Variants in DLG2 observed in about 807,000 individuals in gnomAD.
DLG2 encodes disks large homolog 2.
In DLG2, 45 loss-of-function variants were observed where a neutral mutation model predicts 132.5. The observed-to-expected ratio is 0.34, with a 90% confidence interval of 0.27 to 0.44. The LOEUF is 0.44. Among genes scored for constraint, DLG2 ranks in the 20% least tolerant of loss-of-function variants. The pLI, the probability that DLG2 is intolerant of heterozygous loss-of-function variation, is 1.00. For missense variants in DLG2, 1,045 were observed against 1,196.9 expected, an observed-to-expected ratio of 0.87 and a Z score of 1.87; for synonymous variants, 424 against 419.6, an observed-to-expected ratio of 1.01 and a Z score of -0.13.
chr11:85,064,923 C>T (rs1243291054), intron 6 of DLG2, among the ~76,000 whole-genome samples: 1 of 151,510 alleles, frequency 6.6e-6, no homozygotes, highest in African/African-American at 2.4e-5. Context: ...CTTCCCCACC[C>T]CACGTTTGAC....
At chr11:84,226,077 T>A (rs2096988952) in intron 8 of DLG2, among the ~76,000 whole-genome samples, 1 of 152,204 alleles carries the variant, frequency 6.6e-6, no homozygotes, top group African/African-American at 2.4e-5. Context: ...TCCCAAAGCG[T>A]TGGGATTACA....
intron 18 of DLG2, among the ~76,000 whole-genome samples, chr11:83,656,025 A>C (rs2072308985): frequency 6.6e-6 from 1 of 152,188 alleles, no homozygotes; most frequent in Non-Finnish European, 1.5e-5. Context: ...CCACAAAGGC[A>C]CCCTGGTCAG....
chr11:84,895,494 A>G (rs2090066050), intron 6 of DLG2, among the ~76,000 whole-genome samples: 1 of 152,208 alleles, frequency 6.6e-6, no homozygotes, highest in African/African-American at 2.4e-5. Context: ...ATGGCAGAAC[A>G]CTACTGTAGA....
chr11:85,238,067 T>C (rs1352041894), intron 4 of DLG2, among the ~76,000 whole-genome samples: 10 of 151,994 alleles, frequency 6.6e-5, no homozygotes, highest in Non-Finnish European at 8.8e-5. Flanking sequence ...GGCAGGTTTG[T>C]CCGCATTAAA....
chr11:84,213,680 G>A (rs1230867126), intron 8 of DLG2, among the ~76,000 whole-genome samples: 4 of 152,020 alleles, frequency 2.6e-5, no homozygotes, highest in Admixed American at 6.5e-5. Context: ...TTAGACTGGC[G>A]TGGTGGCGGG....
intron 17 of DLG2, 21 bp from the exon 18 acceptor site, chr11:83,786,813 G>T (rs776546245): frequency 2.2e-5 from 35 of 1,608,658 alleles, no homozygotes; most frequent in Non-Finnish European, 2.7e-5. Context: ...GGAAGCCAGA[G>T]AATCTTGGTA....
chr11:85,158,078 C>A (rs1331025955), intron 4 of DLG2, among the ~76,000 whole-genome samples: 1 of 152,134 alleles, frequency 6.6e-6, no homozygotes, highest in African/African-American at 2.4e-5. Context: ...AGGCTGACCT[C>A]TCAGTGGGCC....
intron 8 of DLG2, among the ~76,000 whole-genome samples, chr11:84,226,916 T>C (rs1342858472): frequency 6.6e-6 from 1 of 151,814 alleles, no homozygotes; most frequent in Non-Finnish European, 1.5e-5. Context: ...TGAAACCCCG[T>C]CTCTACTGAA....
intron 6 of DLG2, among the ~76,000 whole-genome samples, chr11:85,085,184 C>T (rs2067757228): frequency 1.3e-5 from 2 of 152,272 alleles, no homozygotes; most frequent in Admixed American, 6.5e-5. Context: ...GTAGCATTTG[C>T]AGTCTTACTC....
At chr11:83,691,228 ACC>A (rs1035341152) in intron 18 of DLG2, among the ~76,000 whole-genome samples, 5 of 152,114 alleles carry the variant, frequency 3.3e-5, no homozygotes, top group African/African-American at 1.2e-4. Context: ...ACTTGATCTC[ACC>A]TAGAGTTCAG....
At chr11:83,741,222 C>A (rs145440350) in intron 18 of DLG2, among the ~76,000 whole-genome samples, 2 of 152,160 alleles carry the variant, frequency 1.3e-5, no homozygotes, top group Non-Finnish European at 2.9e-5. Flanking sequence ...AATCTTGGAC[C>A]ATTCCACTTT....
intron 6 of DLG2, among the ~76,000 whole-genome samples, chr11:84,898,322 C>G (rs566441059): frequency 6.6e-6 from 1 of 151,788 alleles, no homozygotes; most frequent in Non-Finnish European, 1.5e-5. Context: ...TGGTTTCTTT[C>G]CTTGTTCTAA....
At chr11:84,171,980 G>A (rs755868017) in intron 8 of DLG2, among the ~76,000 whole-genome samples, 1 of 151,932 alleles carries the variant, frequency 6.6e-6, no homozygotes, top group African/African-American at 2.4e-5. Context: ...AAGTTACAGC[G>A]CATTATCACA....
intron 8 of DLG2, among the ~76,000 whole-genome samples, chr11:84,213,744 G>A (rs542126166): frequency 6.0e-5 from 9 of 149,720 alleles, no homozygotes; most frequent in Middle Eastern, 3.4e-3. Flanking sequence ...GCGTGAACCC[G>A]AGAGGCGGAG....
rs570718594 is a variant in DLG2, at chr11:84,954,445, G to T, written c.357+157216C>A. Among the ~76,000 whole-genome samples, 5 of 152,056 alleles carry T rather than the reference G, an allele frequency of 3.3e-5. No homozygotes were observed. In the South Asian group the frequency reaches 6.2e-4, roughly 19 times the overall value. On this transcript the variant is annotated intron_variant, in intron 6 of 27. Transcript: ENST00000376104. ...TCCAGCCACAGCTAATAATATAATG[G>T]ATCACGTTCCTTTTATTCATTCAGT...
chr11:84,565,863 A>G (rs767587855), intron 6 of DLG2, among the ~76,000 whole-genome samples: 2 of 152,106 alleles, frequency 1.3e-5, no homozygotes, highest in Non-Finnish European at 2.9e-5. Context: ...CACTAGAATG[A>G]TCATCAAATG....
intron 11 of DLG2, among the ~76,000 whole-genome samples, chr11:84,046,630 T>C (rs2096248620): frequency 6.6e-6 from 1 of 151,592 alleles, no homozygotes; most frequent in South Asian, 2.1e-4. Context: ...TTACTCTTCT[T>C]TTTTCTTAAC....
chr11:84,884,895 C>G (rs184094891), intron 6 of DLG2, among the ~76,000 whole-genome samples: 235 of 152,206 alleles, frequency 1.5e-3, no homozygotes, highest in Non-Finnish European at 2.7e-3. Context: ...CTATCCCACT[C>G]TATGCCACAA....
chr11:84,694,631 G>C (rs1009897954), intron 6 of DLG2, among the ~76,000 whole-genome samples: 1 of 151,366 alleles, frequency 6.6e-6, no homozygotes, highest in Admixed American at 6.6e-5. Context: ...TTTTATCAGA[G>C]AATAAGCCAT....
Sources: allele counts gnomAD v4.1 joint callset (sites outside exome capture counted in the v4.1 genomes callset), GRCh38; gene constraint gnomAD v4.1.1; transcripts MANE v1.5; gene names NCBI Gene and HGNC (gene_info 2026-07-23, HGNC 2026-07-21).